STAG1: variants seen among roughly 807,000 people sequenced by gnomAD.
The protein encoded by STAG1 is STAG1 cohesin complex component.
A neutral mutation model predicts 170.9 loss-of-function variants in STAG1; 26 were observed. The ratio of observed to expected loss-of-function variants is 0.15; its 90% CI spans 0.11 to 0.21. The LOEUF (loss-of-function observed/expected upper bound fraction) is 0.21. Among genes scored for constraint, STAG1 ranks in the 10% least tolerant of loss-of-function variants. The probability of loss-of-function intolerance (pLI) is 1.00; values close to 1 mark genes in which losing one functional copy is unlikely to be tolerated. For synonymous variants in STAG1, 514 were observed against 497.7 expected (o/e 1.03, Z -0.44); for missense variants, 964 against 1,509.5 (o/e 0.64, Z 5.99).
chr3:136,676,605 C>G (rs1942135211), intron 1 of STAG1, among the ~76,000 whole-genome samples: 1 of 151,946 alleles, frequency 6.6e-6, no homozygotes, highest in Admixed American at 6.6e-5. Flanking sequence ...GCCACCATAC[C>G]CAGCTAATTT....
At chr3:136,681,310 A>C (rs572542651) in intron 1 of STAG1, among the ~76,000 whole-genome samples, 1 of 152,352 alleles carries the variant, frequency 6.6e-6, no homozygotes, top group African/African-American at 2.4e-5. Context: ...CTATGCCCTA[A>C]TTGAAGAATA....
At chr3:136,461,706 A>C (rs2089280180) in intron 13 of STAG1, among the ~76,000 whole-genome samples, 1 of 152,128 alleles carries the variant, frequency 6.6e-6, no homozygotes, top group Non-Finnish European at 1.5e-5. Context: ...CAGACAAATG[A>C]GATTATATTA....
At chr3:136,458,687 G>A (rs1215005969) in intron 13 of STAG1, among the ~76,000 whole-genome samples, 2 of 151,994 alleles carry the variant, frequency 1.3e-5, no homozygotes, top group Non-Finnish European at 2.9e-5. Flanking sequence ...CAATAATCCT[G>A]AAGGTAAATG....
intron 22 of STAG1, among the ~76,000 whole-genome samples, chr3:136,378,609 A>G (rs749769052): frequency 1.3e-5 from 2 of 152,192 alleles, no homozygotes; most frequent in African/African-American, 2.4e-5. Flanking sequence ...TCAAGGCTGA[A>G]GTGAGACATA....
At chr3:136,719,567 G>A (rs533732314) in intron 1 of STAG1, among the ~76,000 whole-genome samples, 2 of 150,292 alleles carry the variant, frequency 1.3e-5, no homozygotes, top group East Asian at 3.9e-4. Flanking sequence ...GCACTACAGT[G>A]CCTCTGGGAT....
At chr3:136,496,347 G>C (rs1441816539) in intron 9 of STAG1, among the ~76,000 whole-genome samples, 2 of 152,176 alleles carry the variant, frequency 1.3e-5, no homozygotes, top group East Asian at 1.9e-4. Flanking sequence ...TTGAGGTATA[G>C]AGATCTATAG....
intron 13 of STAG1, among the ~76,000 whole-genome samples, chr3:136,461,225 A>C (rs761257532): frequency 1.3e-5 from 2 of 152,226 alleles, no homozygotes; most frequent in Non-Finnish European, 2.9e-5. Flanking sequence ...AGCTACAATT[A>C]CATTAAATGG....
chr3:136,604,630 A>G (rs778601803), intron 3 of STAG1, among the ~76,000 whole-genome samples, 157 bp from the exon 4 acceptor site: 17 of 152,204 alleles, frequency 1.1e-4, no homozygotes, highest in Non-Finnish European at 1.5e-5. Context: ...ACATAAGTTT[A>G]TACATAAAAG....
At chr3:136,489,860 C>A (rs1330526007) in intron 9 of STAG1, among the ~76,000 whole-genome samples, 1 of 151,922 alleles carries the variant, frequency 6.6e-6, no homozygotes, top group Non-Finnish European at 1.5e-5. Flanking sequence ...AAGAGTGTTA[C>A]AGAGAACACA....
At chr3:136,528,497 C>CG (rs1366684648) in intron 6 of STAG1, among the ~76,000 whole-genome samples, 1 of 110,508 alleles carries the variant, frequency 9.0e-6, no homozygotes, top group Admixed American at 9.2e-5. Flanking sequence ...TCCCCGCACC[C>CG]CCCCCCCCAA....
At chr3:136,459,989 A>G (rs947150667) in intron 13 of STAG1, among the ~76,000 whole-genome samples, 2 of 152,188 alleles carry the variant, frequency 1.3e-5, no homozygotes, top group African/African-American at 2.4e-5. Flanking sequence ...ACAACATCAA[A>G]AAACAAACCA....
At chr3:136,435,778 T>C (rs2088442232) in intron 15 of STAG1, among the ~76,000 whole-genome samples, 1 of 152,104 alleles carries the variant, frequency 6.6e-6, no homozygotes. Flanking sequence ...CCAGTGATTC[T>C]CCTGCCTCAG....
Position 136,723,828 on chromosome 3 carries a change from A to G in STAG1, c.-84+28367T>C, listed in dbSNP as rs544537127. 1.6e-4 allele frequency among the ~76,000 whole-genome samples: 18 copies of G among 110,802 alleles called. No individual in the cohort carries two copies. In the East Asian group the frequency reaches 3.9e-3, roughly 24 times the overall value. 72.7% of individuals were successfully genotyped at this position (110,802 alleles called of 152,430 possible). ...CGGCCAGCCGCCCCGTCCGGGAGGGAGGTGGGGGGGTCAGCCCCCCGCCCG... is the reference window on the plus strand; with the variant it reads ...CGGCCAGCCGCCCCGTCCGGGAGGGGGGTGGGGGGGTCAGCCCCCCGCCCG... On this transcript the variant is annotated intron_variant, in intron 1 of 33. Coordinates refer to ENST00000383202, the MANE Select transcript of STAG1 (RefSeq NM_005862.3).
intron 7 of STAG1, among the ~76,000 whole-genome samples, chr3:136,517,475 T>C (rs796567141): frequency 2.6e-5 from 4 of 152,236 alleles, no homozygotes; most frequent in African/African-American, 9.6e-5. Flanking sequence ...AGTCAACAAG[T>C]TGTAAAGTAT....
At chr3:136,655,555 G>A (rs1941343273) in intron 1 of STAG1, among the ~76,000 whole-genome samples, 1 of 152,206 alleles carries the variant, frequency 6.6e-6, no homozygotes, top group Admixed American at 6.5e-5. Context: ...CTGAGGTCAG[G>A]AGTTCCAGGC....
intron 1 of STAG1, among the ~76,000 whole-genome samples, chr3:136,712,306 G>A (rs952683618): frequency 6.6e-6 from 1 of 152,082 alleles, no homozygotes; most frequent in African/African-American, 2.4e-5. Flanking sequence ...GTGAGCCACC[G>A]CACCCAGCCT....
intron 6 of STAG1, among the ~76,000 whole-genome samples, chr3:136,528,408 A>G (rs1935180544): frequency 6.6e-6 from 1 of 151,952 alleles, no homozygotes; most frequent in Non-Finnish European, 1.5e-5. Flanking sequence ...GCAGATATCA[A>G]TTAAGGAAAC....
chr3:136,381,125 T>C (rs1937938302), intron 22 of STAG1, among the ~76,000 whole-genome samples: 1 of 151,318 alleles, frequency 6.6e-6, no homozygotes, highest in African/African-American at 2.4e-5. Context: ...CTAATAGATA[T>C]CTTGAAGATG....
chr3:136,595,763 TA>T (rs112997231), intron 4 of STAG1, among the ~76,000 whole-genome samples: 56 of 143,192 alleles, frequency 3.9e-4, no homozygotes, highest in Non-Finnish European at 3.7e-4. Flanking sequence ...GATCAGTGTT[TA>T]AAAAAAAAAA....
Sources: gnomAD v4.1 joint callset for allele counts (sites outside exome capture counted in the v4.1 genomes callset) on GRCh38, gnomAD v4.1.1 for gene constraint, MANE v1.5 for transcripts, NCBI Gene and HGNC (gene_info 2026-07-23, HGNC 2026-07-21) for gene names.